Variants in METTL24 observed in about 807,000 individuals in gnomAD.
The protein encoded by METTL24 is methyltransferase like 24.
A neutral mutation model predicts 32.7 loss-of-function variants in METTL24; 29 were observed. That is an observed-to-expected ratio of 0.89 (90% CI 0.66 to 1.21). The LOEUF (loss-of-function observed/expected upper bound fraction) is 1.21. Among genes scored for constraint, METTL24 ranks in the 50% most tolerant of loss-of-function variants. METTL24 has a pLI of 0.00. For missense variants in METTL24, 439 were observed against 468.1 expected (o/e 0.94, Z 0.57); for synonymous variants, 163 against 179.5 (o/e 0.91, Z 0.73).
At chr6:110,313,460 A>G (rs1323347256) in intron 3 of METTL24, among the ~76,000 whole-genome samples, 2 of 152,258 alleles carry the variant, frequency 1.3e-5, no homozygotes. Flanking sequence ...GCTCTGAAGT[A>G]TAAGGAAAGC....
At chr6:110,253,949 T>G in intron 4 of METTL24, 1 of 1,449,920 alleles carries the variant, frequency 6.9e-7, no homozygotes, top group Non-Finnish European at 9.1e-7. Context: ...GTGAGGAGGA[T>G]GGCAAGTGGG....
intron 3 of METTL24, among the ~76,000 whole-genome samples, chr6:110,305,866 C>T (rs1312309228): frequency 6.6e-6 from 1 of 152,162 alleles, no homozygotes; most frequent in Non-Finnish European, 1.5e-5. Flanking sequence ...ACTATAAAGG[C>T]ACATGCACAC....
At chr6:110,254,122 T>G in intron 4 of METTL24, 4 of 474,958 alleles carry the variant, frequency 8.4e-6, no homozygotes, top group Non-Finnish European at 1.4e-5. Flanking sequence ...ATGATTTAAT[T>G]TATTTAATCA....
intron 1 of METTL24, among the ~76,000 whole-genome samples, chr6:110,345,879 T>C (rs534843771): frequency 1.1e-4 from 17 of 152,306 alleles, no homozygotes; most frequent in South Asian, 2.1e-4. Flanking sequence ...CAAGCCCCCA[T>C]GACACAAGTT....
chr6:110,288,942 G>A (rs1283038774), intron 4 of METTL24, among the ~76,000 whole-genome samples: 1 of 152,204 alleles, frequency 6.6e-6, no homozygotes, highest in Non-Finnish European at 1.5e-5. Context: ...ACTGGCTGGA[G>A]CTATAGCATA....
intron 4 of METTL24, among the ~76,000 whole-genome samples, chr6:110,264,385 T>G (rs1019938373): frequency 2.6e-5 from 4 of 152,146 alleles, no homozygotes; most frequent in African/African-American, 4.8e-5. Flanking sequence ...TCATCATCAC[T>G]GGCCATCAGA....
intron 4 of METTL24, among the ~76,000 whole-genome samples, chr6:110,252,733 A>C (rs908045575): frequency 2.0e-5 from 3 of 152,178 alleles, no homozygotes; most frequent in South Asian, 2.1e-4. Flanking sequence ...CAGAGACTGT[A>C]GTAGGTATTA....
At chr6:110,336,379 G>A (rs1056656383) in intron 1 of METTL24, among the ~76,000 whole-genome samples, 1 of 152,178 alleles carries the variant, frequency 6.6e-6, no homozygotes, top group African/African-American at 2.4e-5. Flanking sequence ...CCACATGAAT[G>A]TTTGTTACTG....
At chr6:110,357,591 TCCTTTCCCTTTC>T (rs896497360) in intron 1 of METTL24, 1 of 153,834 alleles carries the variant, frequency 6.5e-6, no homozygotes, top group Admixed American at 6.5e-5. Flanking sequence ...CACAACGCCT[TCCTTTCCCTTTC>T]CCTTTCCCTG....
intron 4 of METTL24, among the ~76,000 whole-genome samples, chr6:110,256,849 T>C (rs1474752997): frequency 3.3e-5 from 5 of 152,232 alleles, no homozygotes; most frequent in Non-Finnish European, 7.3e-5. Flanking sequence ...CTAAAACCTT[T>C]CTGCCCATTT....
At chr6:110,324,312 T>C (rs4947062) in intron 1 of METTL24, among the ~76,000 whole-genome samples, 34,378 of 152,054 alleles carry the variant, frequency 0.23, 5,782 homozygotes, top group African/African-American at 0.46. Context: ...GGGCTGAGCC[T>C]CACGCAGTCC....
At chr6:110,320,866 G>C (rs767033589) in intron 2 of METTL24, among the ~76,000 whole-genome samples, 16 of 152,024 alleles carry the variant, frequency 1.1e-4, no homozygotes, top group Non-Finnish European at 1.6e-4. Flanking sequence ...TTCCATTTCA[G>C]GATCAGAACA....
chr6:110,260,842 C>T (rs1489047083), intron 4 of METTL24, among the ~76,000 whole-genome samples: 1 of 152,084 alleles, frequency 6.6e-6, no homozygotes, highest in African/African-American at 2.4e-5. Flanking sequence ...ATTTTCAACC[C>T]AGAATTTCAT....
At chr6:110,252,910 T>C (rs1778308930) in intron 4 of METTL24, among the ~76,000 whole-genome samples, 2 of 152,164 alleles carry the variant, frequency 1.3e-5, no homozygotes, top group Non-Finnish European at 2.9e-5. Context: ...TGTCTTAAAA[T>C]TCTTCACTAG....
chr6:110,311,256 G>A (rs1313710525), intron 3 of METTL24, among the ~76,000 whole-genome samples: 1 of 152,026 alleles, frequency 6.6e-6, no homozygotes, highest in Non-Finnish European at 1.5e-5. Context: ...TCTGGGTCCT[G>A]GAGCCTTAGT....
At chr6:110,252,408 A>T (rs1025965811) in intron 4 of METTL24, among the ~76,000 whole-genome samples, 4 of 152,120 alleles carry the variant, frequency 2.6e-5, no homozygotes, top group Non-Finnish European at 4.4e-5. Context: ...TCTTACAAGG[A>T]CACTAGTCTT....
chr6:110,295,013 C>CTTTTTT lies in METTL24; in HGVS notation c.786+3903_786+3908dup, dbSNP rs1195740747. Among the ~76,000 whole-genome samples, 35 of 78,128 alleles carry CTTTTTT rather than the reference C, an allele frequency of 4.5e-4. 1 individual carries two copies. The highest frequency in any genetic ancestry group is 9.8e-4 in the African/African-American group (18 of 18,332). The allele number at this position is 78,128 out of a possible 152,430, so 51.3% of individuals were successfully genotyped here. A position where few individuals can be genotyped will look rare whatever the true frequency, so the allele number is the denominator to read the frequency against. ...ATTGCTTTTCTTTTTTTCTTTCTTT[C>CTTTTTT]TTTTTTTTTTTTTTTTTTTTTTTTT... On this transcript the variant is annotated intron_variant, in intron 4 of 4. Coordinates refer to ENST00000338882, the MANE Select transcript of METTL24 (RefSeq NM_001123364.3).
intron 4 of METTL24, among the ~76,000 whole-genome samples, chr6:110,248,400 T>A (rs1198770762): frequency 1.3e-5 from 2 of 152,206 alleles, no homozygotes; most frequent in African/African-American, 4.8e-5. Context: ...TAGGACATGG[T>A]TTCACATTCT....
rs1778215246 is a variant in METTL24 at position 110,248,613 on chromosome 6, A to G, written c.787-2353T>C. Among the ~76,000 whole-genome samples, 3 of 149,106 alleles carry G rather than the reference A, an allele frequency of 2.0e-5. No individual in the cohort carries two copies. In the South Asian group the frequency reaches 6.2e-4, roughly 31 times the overall value. On this transcript the variant is annotated intron_variant, in intron 4 of 4. Coordinates refer to ENST00000338882, the MANE Select transcript of METTL24 (RefSeq NM_001123364.3). ...AAAGACAGGTTGCATGTGAATACAC[A>G]CCAGGCTAAAATAATTCTTGTGAAT...
Sources: gnomAD v4.1 joint callset for allele counts (sites outside exome capture counted in the v4.1 genomes callset) on GRCh38, gnomAD v4.1.1 for gene constraint, MANE v1.5 for transcripts, NCBI Gene and HGNC (gene_info 2026-07-23, HGNC 2026-07-21) for gene names.